CMSS1: variants seen among roughly 807,000 people sequenced by gnomAD.
CMSS1 encodes the protein cms1 ribosomal small subunit homolog.
A neutral mutation model predicts 43.5 loss-of-function variants in CMSS1; 33 were observed. The ratio of observed to expected loss-of-function variants is 0.76; its 90% CI spans 0.57 to 1.01. The LOEUF (loss-of-function observed/expected upper bound fraction) is 1.01, where lower values mean the gene tolerates loss of function less well. CMSS1 is among the 50% of genes least tolerant of loss of function. CMSS1 has a pLI of 0.00. For synonymous variants in CMSS1, 115 were observed against 117.2 expected (o/e 0.98, Z 0.12); for missense variants, 313 against 326.4 (o/e 0.96, Z 0.32).
intron 1 of CMSS1, among the ~76,000 whole-genome samples, chr3:99,920,837 A>G (rs1707102209): frequency 6.6e-6 from 1 of 152,228 alleles, no homozygotes; most frequent in African/African-American, 2.4e-5. Context: ...ATCCATTATT[A>G]CATCCTCTGA....
At position 99,849,353 on chromosome 3, in the gene CMSS1, G is replaced by A. The variant is rs1269575591; in HGVS notation, c.64+31310G>A. ...GGCCTGAGGCTCTTACTGAAATGCC[G>A]GTACCTCTCTAACTCCTTAGTGAGG... On this transcript the variant is annotated intron_variant, in intron 1 of 9. Coordinates refer to ENST00000421999, the MANE Select transcript of CMSS1 (RefSeq NM_032359.4). The A allele has an allele frequency of 3.1e-6, 5 of 1,613,960 alleles. No individual in the cohort carries two copies. Among genetic ancestry groups the A allele is most frequent in the Non-Finnish European group, 4.2e-6 (5 of 1,179,942 alleles).
chr3:100,063,082 C>T (rs1043452658), intron 1 of CMSS1, among the ~76,000 whole-genome samples: 3 of 152,194 alleles, frequency 2.0e-5, no homozygotes, highest in South Asian at 2.1e-4. Flanking sequence ...GAACTTTGAA[C>T]TATATTATAT....
intron 1 of CMSS1, chr3:99,930,875 G>C: frequency 6.2e-7 from 1 of 1,612,860 alleles, no homozygotes; most frequent in Non-Finnish European, 8.5e-7. Context: ...CTTGGGACAC[G>C]GAAGTATTAC....
intron 1 of CMSS1, among the ~76,000 whole-genome samples, chr3:99,985,675 G>A (rs1038541678): frequency 6.6e-6 from 1 of 151,200 alleles, no homozygotes; most frequent in East Asian, 1.9e-4. Context: ...TGCAACCTCC[G>A]TCTCCTGGGT....
chr3:100,061,952 CATTGTT>C (rs2065573931), intron 1 of CMSS1, among the ~76,000 whole-genome samples: 3 of 152,086 alleles, frequency 2.0e-5, no homozygotes, highest in African/African-American at 7.2e-5. Context: ...AGAACATTCA[CATTGTT>C]ATGCAACCAA....
At chr3:99,996,345 G>C (rs1559718920) in intron 1 of CMSS1, among the ~76,000 whole-genome samples, 1 of 152,100 alleles carries the variant, frequency 6.6e-6, no homozygotes, top group Non-Finnish European at 1.5e-5. Context: ...CCTCAGCCTG[G>C]ACCTTATTGT....
intron 1 of CMSS1, among the ~76,000 whole-genome samples, chr3:99,933,102 A>G (rs1469330827): frequency 6.6e-6 from 1 of 152,226 alleles, no homozygotes; most frequent in Non-Finnish European, 1.5e-5. Context: ...TTGCACAGCT[A>G]ATAAGTGGCA....
chr3:99,833,298 GA>G, intron 1 of CMSS1: 2 of 1,565,014 alleles, frequency 1.3e-6, no homozygotes, highest in Non-Finnish European at 1.8e-6. Context: ...TAAATTTGTG[GA>G]ATATATTAAA....
chr3:100,044,985 G>A (rs2065256713), intron 1 of CMSS1, among the ~76,000 whole-genome samples: 1 of 152,186 alleles, frequency 6.6e-6, no homozygotes, highest in Non-Finnish European at 1.5e-5. Context: ...TTAGAGGAGA[G>A]TCTAGCCTGG....
intron 1 of CMSS1, among the ~76,000 whole-genome samples, chr3:99,872,269 C>CTGTGTG (rs55727823): frequency 0.081 from 8,994 of 110,642 alleles, 468 homozygotes; most frequent in East Asian, 0.13. Context: ...TGTGCCAGGA[C>CTGTGTG]TGTGTGTGTG....
intron 1 of CMSS1, among the ~76,000 whole-genome samples, chr3:99,944,335 T>A (rs1380854885): frequency 1.3e-5 from 2 of 152,178 alleles, no homozygotes; most frequent in African/African-American, 4.8e-5. Context: ...TAACATGAAA[T>A]GACTTCTTGG....
At chr3:100,114,468 G>A (rs1238710211) in intron 1 of CMSS1, 1 of 154,452 alleles carries the variant, frequency 6.5e-6, no homozygotes, top group Non-Finnish European at 1.4e-5. Flanking sequence ...GACAAGTAGA[G>A]GCAGGCACAG....
At chr3:99,878,800 G>A (rs999368481) in intron 1 of CMSS1, among the ~76,000 whole-genome samples, 1 of 152,210 alleles carries the variant, frequency 6.6e-6, no homozygotes, top group Non-Finnish European at 1.5e-5. Flanking sequence ...GTGGTGTATT[G>A]CAAACTCCAA....
intron 6 of CMSS1, among the ~76,000 whole-genome samples, chr3:100,171,066 G>A (rs2067105842): frequency 6.6e-6 from 1 of 152,058 alleles, no homozygotes; most frequent in South Asian, 2.1e-4. Flanking sequence ...TTTACGGGGG[G>A]CATCACTCTC....
At chr3:99,929,613 G>A (rs1238349568) in intron 1 of CMSS1, among the ~76,000 whole-genome samples, 2 of 151,982 alleles carry the variant, frequency 1.3e-5, no homozygotes, top group Admixed American at 6.6e-5. Flanking sequence ...AGAGTGGGGA[G>A]CATTCTCTGG....
intron 1 of CMSS1, among the ~76,000 whole-genome samples, chr3:100,117,884 T>C (rs1421827012): frequency 7.1e-5 from 9 of 126,042 alleles, no homozygotes; most frequent in East Asian, 4.9e-4. Flanking sequence ...TATATACACA[T>C]ACAATGGAGT....
intron 1 of CMSS1, among the ~76,000 whole-genome samples, chr3:99,885,800 T>A (rs930189750): frequency 7.9e-5 from 12 of 152,172 alleles, no homozygotes; most frequent in African/African-American, 2.9e-4. Context: ...ACACAGAGAC[T>A]TGAAGGCTTT....
chr3:99,826,516 A>AG (rs1373199535), intron 1 of CMSS1, among the ~76,000 whole-genome samples: 21 of 152,322 alleles, frequency 1.4e-4, no homozygotes, highest in African/African-American at 4.8e-4. Context: ...TTTTCACGTC[A>AG]CAAAATAGTC....
chr3:100,131,252 G>A (rs2107499590), intron 1 of CMSS1, among the ~76,000 whole-genome samples: 1 of 152,280 alleles, frequency 6.6e-6, no homozygotes, highest in Middle Eastern at 3.4e-3. Flanking sequence ...TAAGGTTCCA[G>A]TCTAGGCATC....
Sources: allele counts gnomAD v4.1 joint callset (sites outside exome capture counted in the v4.1 genomes callset), GRCh38; gene constraint gnomAD v4.1.1; transcripts MANE v1.5; gene names NCBI Gene and HGNC (gene_info 2026-07-23, HGNC 2026-07-21).